Variants in EFHC1 observed in about 807,000 individuals in gnomAD.
EFHC1 encodes EF-hand domain-containing protein 1.
Under a neutral mutation model 69.9 loss-of-function variants are expected in EFHC1, and 53 were observed. That is an observed-to-expected ratio of 0.76 (90% CI 0.61 to 0.95). EFHC1 has a LOEUF of 0.95. Ranked by LOEUF, EFHC1 falls within the 40% of genes least tolerant of loss-of-function variation. EFHC1 has a pLI of 0.00. For missense variants in EFHC1, 739 were observed against 798.7 expected, an observed-to-expected ratio of 0.93 and a Z score of 0.90; for synonymous variants, 256 against 278.4, an observed-to-expected ratio of 0.92 and a Z score of 0.80.
chr6:52,437,884 G>C (rs144016320), intron 2 of EFHC1, among the ~76,000 whole-genome samples: 1 of 152,140 alleles, frequency 6.6e-6, no homozygotes, highest in Non-Finnish European at 1.5e-5. Flanking sequence ...TTGGGGATGA[G>C]GGGGACACAA....
intron 9 of EFHC1, 151 bp from the exon 10 acceptor site, chr6:52,489,989 C>T (rs1448502880): frequency 2.7e-6 from 2 of 740,800 alleles, no homozygotes; most frequent in African/African-American, 3.5e-5. Flanking sequence ...CAGCTATCGG[C>T]CTGTGGGCAA....
At chr6:52,444,819 G>A (rs1764743474) in intron 3 of EFHC1, among the ~76,000 whole-genome samples, 2 of 152,256 alleles carry the variant, frequency 1.3e-5, no homozygotes, top group Middle Eastern at 6.8e-3. Flanking sequence ...GAATTAGGGA[G>A]GATTCCCTCT....
chr6:52,424,297 C>T, intron 2 of EFHC1, 130 bp downstream of exon 2: 1 of 883,456 alleles, frequency 1.1e-6, no homozygotes, highest in Non-Finnish European at 1.8e-6. Flanking sequence ...ATGCCTTAAC[C>T]CTTAGTCATG....
intron 6 of EFHC1, among the ~76,000 whole-genome samples, chr6:52,466,513 G>T (rs920273974): frequency 6.6e-6 from 1 of 152,020 alleles, no homozygotes; most frequent in Admixed American, 6.6e-5. Context: ...TCTATTCCTG[G>T]GGTATTCTCT....
chr6:52,458,686 A>G (rs1223976030), intron 5 of EFHC1, among the ~76,000 whole-genome samples: 3 of 152,210 alleles, frequency 2.0e-5, no homozygotes, highest in Non-Finnish European at 4.4e-5. Context: ...AATGTGAACT[A>G]GTTCAGCCCC....
chr6:52,420,364 G>C lies in EFHC1; in HGVS notation c.-47G>C. 1.9e-6 allele frequency: 3 copies of C among 1,613,410 alleles called. No homozygotes were observed. The highest frequency in any genetic ancestry group is 2.5e-6 in the Non-Finnish European group (3 of 1,179,310). On this transcript the variant is annotated 5_prime_UTR_variant, in exon 1 of 11. Transcript: ENST00000371068. ...AACACTGCTTGTCGCCTGGGCAACC[G>C]GAGAGGACGAAGCAGGACCTAGGTG...
intron 9 of EFHC1, chr6:52,484,487 T>G (rs1195984077): frequency 6.6e-6 from 1 of 152,212 alleles, no homozygotes; most frequent in Non-Finnish European, 1.5e-5. Context: ...AACCTCTTAA[T>G]GTCTGACTTA....
intron 2 of EFHC1, among the ~76,000 whole-genome samples, chr6:52,437,317 G>C (rs1764555982): frequency 6.6e-6 from 1 of 152,128 alleles, no homozygotes; most frequent in African/African-American, 2.4e-5. Context: ...AGTTCTGGGA[G>C]GGACTTTTGA....
At chr6:52,421,134 T>C (rs1475229720) in intron 1 of EFHC1, 3 of 849,336 alleles carry the variant, frequency 3.5e-6, no homozygotes, top group Non-Finnish European at 4.3e-6. Context: ...TTCTACATTT[T>C]CCACAATTTA....
intron 3 of EFHC1, among the ~76,000 whole-genome samples, chr6:52,448,834 T>C (rs1172827628): frequency 6.6e-6 from 1 of 152,248 alleles, no homozygotes; most frequent in East Asian, 1.9e-4. Context: ...TTTGTGTATG[T>C]TGAACCAACT....
At chr6:52,441,413 G>A (rs1764660911) in intron 3 of EFHC1, among the ~76,000 whole-genome samples, 1 of 152,086 alleles carries the variant, frequency 6.6e-6, no homozygotes, top group Non-Finnish European at 1.5e-5. Context: ...CATAATTATA[G>A]GTGTGTAGCC....
intron 3 of EFHC1, among the ~76,000 whole-genome samples, chr6:52,444,164 C>T (rs1316842997): frequency 1.3e-5 from 2 of 152,198 alleles, no homozygotes; most frequent in South Asian, 2.1e-4. Context: ...GCTGAAGTTG[C>T]TTATCAGCTT....
At chr6:52,490,571 G>A in intron 10 of EFHC1, 1 of 609,740 alleles carries the variant, frequency 1.6e-6, no homozygotes, top group Middle Eastern at 4.3e-4. Flanking sequence ...GCCTGGGGCT[G>A]GACAACACAG....
At chr6:52,472,799 A>G (rs1765467630) in intron 7 of EFHC1, among the ~76,000 whole-genome samples, 2 of 152,074 alleles carry the variant, frequency 1.3e-5, no homozygotes. Context: ...TGTTACATAC[A>G]AAAACACTTT....
chr6:52,456,151 T>C (rs2113998144), intron 5 of EFHC1, among the ~76,000 whole-genome samples: 1 of 152,246 alleles, frequency 6.6e-6, no homozygotes, highest in Admixed American at 6.5e-5. Flanking sequence ...ATGTTATATA[T>C]TTTTTTAAAA....
intron 3 of EFHC1, among the ~76,000 whole-genome samples, chr6:52,441,501 G>A (rs1260901744): frequency 2.6e-5 from 4 of 152,090 alleles, no homozygotes; most frequent in Non-Finnish European, 5.9e-5. Flanking sequence ...TTTGGTTACT[G>A]TAGCCCTGTA....
At chr6:52,456,938 C>G (rs1461244251) in intron 5 of EFHC1, among the ~76,000 whole-genome samples, 2 of 152,052 alleles carry the variant, frequency 1.3e-5, no homozygotes, top group Non-Finnish European at 2.9e-5. Flanking sequence ...AGGTATCAGT[C>G]ATGAGGTACA....
At chr6:52,480,179 TACG>T (rs1274308690) in intron 9 of EFHC1, 4 of 348,826 alleles carry the variant, frequency 1.1e-5, no homozygotes, top group Non-Finnish European at 2.1e-5. Context: ...ATTCTTACAA[TACG>T]GTAAGCTAGA....
rs771412518 is a variant in EFHC1 at position 52,495,145 on chromosome 6, C to A, written c.*2804C>A. The A allele has an allele frequency of 1.8e-5, 8 of 454,004 alleles. No individual in the cohort carries two copies. Among genetic ancestry groups the A allele is most frequent in the Non-Finnish European group, 3.5e-5 (8 of 226,804 alleles). The allele number at this position is 454,004 out of a possible 1,614,324, so 28.1% of individuals were successfully genotyped here. A position where few individuals can be genotyped will look rare whatever the true frequency, so the allele number is the denominator to read the frequency against. Reference sequence around the variant, plus strand: ...CCCAGGAGGCCCTTTCAGGCTGACACACCTTCCAGGGTGTGCACTCTCGCC... The same window carrying A: ...CCCAGGAGGCCCTTTCAGGCTGACAAACCTTCCAGGGTGTGCACTCTCGCC... On this transcript the variant is annotated 3_prime_UTR_variant, in exon 11 of 11. Coordinates refer to ENST00000371068, the MANE Select transcript of EFHC1 (RefSeq NM_018100.4).
Sources: gnomAD v4.1 joint callset for allele counts (sites outside exome capture counted in the v4.1 genomes callset) on GRCh38, gnomAD v4.1.1 for gene constraint, MANE v1.5 for transcripts, NCBI Gene and HGNC (gene_info 2026-07-23, HGNC 2026-07-21) for gene names.